Variants in UBR3 observed in about 807,000 individuals in gnomAD.
UBR3 encodes the protein E3 ubiquitin-protein ligase UBR3.
Under a neutral mutation model 243.2 loss-of-function variants are expected in UBR3, and 85 were observed. That is an observed-to-expected ratio of 0.35 (90% CI 0.29 to 0.42). The LOEUF (loss-of-function observed/expected upper bound fraction) is 0.42, where lower values mean the gene tolerates loss of function less well. UBR3 is among the 10% of genes least tolerant of loss of function. The probability of loss-of-function intolerance (pLI) is 1.00; values close to 1 mark genes in which losing one functional copy is unlikely to be tolerated. For missense variants in UBR3, 1,686 were observed against 2,300.8 expected (o/e 0.73, Z 5.47); for synonymous variants, 748 against 799.8 (o/e 0.94, Z 1.09).
Position 169,949,759 on chromosome 2 carries a change from C to T in UBR3, c.3239C>T (p.Thr1080Ile). Reference protein sequence around the residue: ...SAPGSAPQLTTAILEIKESIL... With the variant: ...SAPGSAPQLTIAILEIKESIL... Reference sequence around the variant, plus strand: ...CCTGGTTCAGCTCCACAGTTAACTACAGCCATTTTGGAAATTAAAGAAAGC... The same window carrying T: ...CCTGGTTCAGCTCCACAGTTAACTATAGCCATTTTGGAAATTAAAGAAAGC... The change falls in exon 23 of 39, where the codon ACA becomes ATA. Residue 1080 changes from threonine (T) to isoleucine (I), a missense_variant. Physicochemically the swap from Thr to Ile is moderately conservative, Grantham distance 89. This residue lies in a region of UBR3 where 300 missense variants were observed against 314.4 expected (regional missense o/e 0.95). Transcript: ENST00000272793. 1 of 1,551,632 alleles carries T rather than the reference C, an allele frequency of 6.4e-7. No homozygotes were observed. Among genetic ancestry groups the T allele is most frequent in the East Asian group, 2.4e-5 (1 of 40,904 alleles).
intron 33 of UBR3, among the ~76,000 whole-genome samples, chr2:170,059,259 TATTTGTTAATA>T (rs1359649105): frequency 6.6e-6 from 1 of 152,252 alleles, no homozygotes; most frequent in Admixed American, 6.5e-5. Context: ...GCTCAAAATG[TATTTGTTAATA>T]ATGACTTAAA....
chr2:169,963,821 C>T (rs1056702503), intron 24 of UBR3, among the ~76,000 whole-genome samples: 2 of 152,014 alleles, frequency 1.3e-5, no homozygotes, highest in African/African-American at 4.8e-5. Flanking sequence ...AAATTCCAAA[C>T]ATAGAGGAAA....
In UBR3 at chr2:169,844,548, C is replaced by T. The variant is rs548081578; in HGVS notation, c.545+16496C>T. On this transcript the variant is annotated intron_variant, in intron 1 of 38. Coordinates refer to ENST00000272793, the MANE Select transcript of UBR3 (RefSeq NM_172070.4). Reference sequence around the variant, plus strand: ...TTACTCTGTCACCCAGGATGGAGTGCAGTGGTGCAGTCGTGGCTCACTGCA... The same window carrying T: ...TTACTCTGTCACCCAGGATGGAGTGTAGTGGTGCAGTCGTGGCTCACTGCA... 6.2e-5 allele frequency among the ~76,000 whole-genome samples: 9 copies of T among 145,680 alleles called. No homozygotes were observed. In the East Asian group the frequency reaches 1.4e-3, roughly 23 times the overall value.
intron 19 of UBR3, among the ~76,000 whole-genome samples, chr2:169,933,307 G>C (rs1383138932): frequency 6.6e-6 from 1 of 152,138 alleles, no homozygotes; most frequent in Non-Finnish European, 1.5e-5. Flanking sequence ...TTCTACTTTT[G>C]AACCAGTAGG....
In UBR3 at chr2:170,047,192, T is replaced by TG. The variant is rs753235187; in HGVS notation, c.4660+6207_4660+6208insG. On this transcript the variant is annotated intron_variant, in intron 32 of 38. Coordinates refer to ENST00000272793, the MANE Select transcript of UBR3 (RefSeq NM_172070.4). ...ATTTTTTGTAGAGACGGTGGCGGTG[T>TG]CGGGGGGGGGGTCTCACTTTGTTGC... Among the ~76,000 whole-genome samples, 5 of 150,368 alleles carry TG rather than the reference T, an allele frequency of 3.3e-5. No homozygotes were observed. The South Asian group carries it at 6.3e-4, about 19-fold the overall frequency.
At chr2:169,951,924 C>T (rs762643347) in intron 23 of UBR3, among the ~76,000 whole-genome samples, 1 of 152,008 alleles carries the variant, frequency 6.6e-6, no homozygotes, top group Non-Finnish European at 1.5e-5. Flanking sequence ...GTTCCTTTTA[C>T]CAAGATAATG....
At chr2:170,076,997 G>A (rs999281478) in intron 36 of UBR3, among the ~76,000 whole-genome samples, 5 of 152,182 alleles carry the variant, frequency 3.3e-5, no homozygotes, top group Non-Finnish European at 4.4e-5. Context: ...GTTATAAACC[G>A]TACTAGAGGT....
intron 10 of UBR3, among the ~76,000 whole-genome samples, chr2:169,907,971 C>T (rs1660249748): frequency 1.3e-5 from 2 of 152,048 alleles, no homozygotes; most frequent in African/African-American, 4.8e-5. Context: ...AAGGTTTCAC[C>T]ATGTTGCACA....
intron 1 of UBR3, among the ~76,000 whole-genome samples, chr2:169,848,473 C>T (rs1320910772): frequency 6.6e-6 from 1 of 151,160 alleles, no homozygotes; most frequent in East Asian, 1.9e-4. Context: ...ATTTACAGTA[C>T]AATATTAGGT....
intron 24 of UBR3, among the ~76,000 whole-genome samples, chr2:169,969,750 T>G (rs1050495176): frequency 1.3e-5 from 2 of 151,494 alleles, no homozygotes; most frequent in African/African-American, 2.4e-5. Context: ...GGGGTTTCAC[T>G]GTGTTAGCCA....
chr2:169,867,336 A>G (rs948645155), intron 1 of UBR3, among the ~76,000 whole-genome samples: 4 of 152,216 alleles, frequency 2.6e-5, no homozygotes, highest in Admixed American at 2.6e-4. Context: ...AATTTATCTT[A>G]GATATAATTA....
chr2:169,963,879 C>T (rs1168898313), intron 24 of UBR3, among the ~76,000 whole-genome samples: 2 of 152,096 alleles, frequency 1.3e-5, no homozygotes, highest in East Asian at 3.9e-4. Context: ...ATAACCATCA[C>T]CTTGTTAACA....
At chr2:169,977,164 A>G (rs530886444) in intron 24 of UBR3, among the ~76,000 whole-genome samples, 1 of 152,136 alleles carries the variant, frequency 6.6e-6, no homozygotes, top group South Asian at 2.1e-4. Context: ...ATTTTCTTGT[A>G]TCTAATTGAG....
chr2:170,059,839 G>A (rs1367667969), intron 33 of UBR3, among the ~76,000 whole-genome samples: 2 of 152,082 alleles, frequency 1.3e-5, no homozygotes, highest in Middle Eastern at 3.2e-3. Context: ...CAAGTTCCAA[G>A]GTCCAATACT....
At chr2:169,889,222 A>G (rs1488049419) in intron 5 of UBR3, among the ~76,000 whole-genome samples, 1 of 152,106 alleles carries the variant, frequency 6.6e-6, no homozygotes, top group Non-Finnish European at 1.5e-5. Flanking sequence ...GCCTTTGCTT[A>G]TGCTGTATTC....
intron 7 of UBR3, 126 bp from the exon 8 acceptor site, chr2:169,896,381 T>A (rs2084592976): frequency 6.8e-6 from 4 of 583,966 alleles, no homozygotes; most frequent in East Asian, 6.5e-5. Flanking sequence ...AGATTTTTTT[T>A]AAGTTATCTT....
chr2:170,047,131 G>A (rs990616643), intron 32 of UBR3, among the ~76,000 whole-genome samples: 2 of 151,946 alleles, frequency 1.3e-5, no homozygotes, highest in African/African-American at 4.8e-5. Flanking sequence ...ATGTAGTTGG[G>A]ACCACAGGTG....
intron 33 of UBR3, among the ~76,000 whole-genome samples, chr2:170,058,699 G>A (rs1476627047): frequency 6.6e-6 from 1 of 151,592 alleles, no homozygotes; most frequent in African/African-American, 2.4e-5. Flanking sequence ...CATTTTTTGT[G>A]GGGAGGAAGT....
In UBR3 at chr2:169,852,009, G is replaced by A. The variant is rs72887711; in HGVS notation, c.546-20227G>A. ...ATGTTTTCATATTGCCTGTAACTTTGTCCTCCATGGTTATTTTTTTTCCCG... is the reference window on the plus strand; with the variant it reads ...ATGTTTTCATATTGCCTGTAACTTTATCCTCCATGGTTATTTTTTTTCCCG... On this transcript the variant is annotated intron_variant, in intron 1 of 38. Transcript: ENST00000272793. Among the ~76,000 whole-genome samples, 257 of 152,152 alleles carry A rather than the reference G, an allele frequency of 1.7e-3. 2 individuals carry two copies. Among genetic ancestry groups the A allele is most frequent in the Non-Finnish European group, 2.6e-3 (179 of 67,992 alleles).
Sources: gnomAD v4.1 joint callset for allele counts (sites outside exome capture counted in the v4.1 genomes callset) on GRCh38, gnomAD v4.1.1 for gene constraint, gnomAD v4.1.1 regional missense constraint, MANE v1.5 for transcripts, NCBI Gene and HGNC (gene_info 2026-07-23, HGNC 2026-07-21) for gene names.